Variants in TOGARAM2 observed in about 807,000 individuals in gnomAD.
The protein encoded by TOGARAM2 is TOG array regulator of axonemal microtubules 2.
In TOGARAM2, 85 loss-of-function variants were observed where a neutral mutation model predicts 93.3. The observed-to-expected ratio is 0.91, with a 90% CI of 0.76 to 1.09. The LOEUF (loss-of-function observed/expected upper bound fraction) is 1.09. TOGARAM2 is among the 50% of genes least tolerant of loss of function. The pLI, the probability that TOGARAM2 is intolerant of heterozygous loss-of-function variation, is 0.00. For missense variants in TOGARAM2, 1,277 were observed against 1,334.5 expected (o/e 0.96, Z 0.67); for synonymous variants, 593 against 552.8 (o/e 1.07, Z -1.02).
intron 18 of TOGARAM2, among the ~76,000 whole-genome samples, chr2:29,039,640 G>T (rs944759257): frequency 6.6e-6 from 1 of 152,190 alleles, no homozygotes; most frequent in Non-Finnish European, 1.5e-5. Context: ...TTCATGGGAG[G>T]TAGTAAGGAA....
chr2:28,972,479 ACT>A lies in TOGARAM2; in HGVS notation c.-147+15785_-147+15786del, dbSNP rs746891186. 6 of 152,060 alleles carry A rather than the reference ACT, an allele frequency of 3.9e-5. No homozygotes were observed. In the East Asian group the frequency reaches 1.2e-3, roughly 29 times the overall value. 9.4% of individuals were successfully genotyped at this position (152,060 alleles called of 1,614,324 possible). ...GGAGGACGAGTTTTATGTGTAACTG[ACT>A]CTGTTATAATGGAGATAACTCATCA... is the stretch of plus-strand genomic sequence containing the variant. On this transcript the variant is annotated intron_variant, in intron 1 of 6. Transcript: ENST00000401723.
upstream of TOGARAM2, among the ~76,000 whole-genome samples, chr2:28,977,497 G>T (rs1272031084): frequency 6.6e-6 from 1 of 152,150 alleles, no homozygotes; most frequent in Non-Finnish European, 1.5e-5. Flanking sequence ...CAATGTATGG[G>T]GCTGAGACTC....
chr2:28,975,816 C>CACTG (rs1672018878), intron 1 of TOGARAM2, among the ~76,000 whole-genome samples: 1 of 152,116 alleles, frequency 6.6e-6, no homozygotes, highest in Non-Finnish European at 1.5e-5. Flanking sequence ...TTCGCTTCAC[C>CACTG]ACTGGGCCTT....
chr2:29,040,765 C>T (rs997788112), intron 18 of TOGARAM2, among the ~76,000 whole-genome samples: 1 of 152,140 alleles, frequency 6.6e-6, no homozygotes, highest in African/African-American at 2.4e-5. Context: ...CCCAGCCCTC[C>T]GCCACTGCGC....
intron 18 of TOGARAM2, among the ~76,000 whole-genome samples, chr2:29,039,627 C>T (rs1197136870): frequency 5.9e-5 from 9 of 152,152 alleles, no homozygotes; most frequent in African/African-American, 2.2e-4. Flanking sequence ...TGCCCATGTC[C>T]TTTTCATGGG....
In TOGARAM2 at chr2:28,989,378, A is replaced by G. The variant is rs191733046; in HGVS notation, c.-110-5347A>G. Reference sequence around the variant, plus strand: ...CTTTTCATATTTTATTGAATGCAATATTGAAGTGAGATAAGCATTATCTCC... The same window carrying G: ...CTTTTCATATTTTATTGAATGCAATGTTGAAGTGAGATAAGCATTATCTCC... On this transcript the variant is annotated intron_variant, in intron 1 of 19. Coordinates refer to ENST00000379558, the MANE Select transcript of TOGARAM2 (RefSeq NM_199280.4). 2.6e-4 allele frequency among the ~76,000 whole-genome samples: 38 copies of G among 146,592 alleles called. No individual in the cohort carries two copies. The East Asian group carries it at 6.9e-3, about 27-fold the overall frequency.
chr2:28,967,540 T>C (rs765411639), intron 1 of TOGARAM2, among the ~76,000 whole-genome samples: 1 of 152,036 alleles, frequency 6.6e-6, no homozygotes, highest in Non-Finnish European at 1.5e-5. Flanking sequence ...ATGTAGAAAT[T>C]AAAGCTCTGG....
chr2:28,989,927 T>C (rs1672640897), intron 1 of TOGARAM2, among the ~76,000 whole-genome samples: 2 of 152,246 alleles, frequency 1.3e-5, no homozygotes, highest in Admixed American at 6.5e-5. Context: ...TCTTAGTACC[T>C]ATGGCATGTT....
At chr2:28,963,414 A>G (rs1671824019) in intron 1 of TOGARAM2, among the ~76,000 whole-genome samples, 1 of 152,072 alleles carries the variant, frequency 6.6e-6, no homozygotes, top group South Asian at 2.1e-4. Context: ...TGCTCTGTCA[A>G]CCCAGGCTAG....
intron 19 of TOGARAM2, chr2:29,049,868 C>G (rs1666967724): frequency 6.6e-6 from 1 of 152,176 alleles, no homozygotes; most frequent in South Asian, 2.1e-4. Context: ...AAGGGTGCAG[C>G]CTCAAAGCCA....
chr2:29,033,686 G>GCGA, intron 16 of TOGARAM2, 123 bp downstream of exon 16: 1 of 818,996 alleles, frequency 1.2e-6, no homozygotes, highest in Non-Finnish European at 1.9e-6. Context: ...CTGAGACCTA[G>GCGA]TTGGGGCTGC....
At chr2:29,012,520 G>A (rs750255900) in intron 7 of TOGARAM2, among the ~76,000 whole-genome samples, 2 of 152,178 alleles carry the variant, frequency 1.3e-5, no homozygotes, top group Admixed American at 6.5e-5. Context: ...GGACGCTGGT[G>A]TGGGGGTTGG....
rs1666120906 is a variant in TOGARAM2 at position 29,036,531 on chromosome 2, T to C, written c.2419-10T>C. The C allele has an allele frequency of 6.2e-7, 1 of 1,613,762 alleles. No individual in the cohort carries two copies. ...TTCCCATGGGCTCTTGGTTTCTGTT[T>C]CTTCAATAGGTCTTTGATGCTTTCA... On this transcript the variant is annotated splice_polypyrimidine_tract_variant and intron_variant, in intron 17 of 19. Coordinates refer to ENST00000379558, the MANE Select transcript of TOGARAM2 (RefSeq NM_199280.4).
chr2:29,002,634 C>T lies in TOGARAM2; in HGVS notation c.526C>T (p.Pro176Ser). The change falls in exon 5 of 20, where the codon CCT becomes TCT. Residue 176 changes from proline (P) to serine (S), a missense_variant. Transcript: ENST00000379558. Reference protein sequence around the residue: ...QRLLRVPRPMPLIQSIPTTPE... With the variant: ...QRLLRVPRPMSLIQSIPTTPE... ...GCTGCTGAGGGTGCCCAGGCCGATG[C>T]CTCTCATCCAGAGCATCCCTACCAC... is the stretch of plus-strand genomic sequence containing the variant. 1 of 1,613,984 alleles carries T rather than the reference C, an allele frequency of 6.2e-7. No individual in the cohort carries two copies. The highest frequency in any genetic ancestry group is 8.5e-7 in the Non-Finnish European group (1 of 1,179,870).
At chr2:29,005,739 ATATATGTGTGTATG>A (rs140301184) in intron 6 of TOGARAM2, among the ~76,000 whole-genome samples, 92,551 of 121,138 alleles carry the variant, frequency 0.76, 38,247 homozygotes, top group Non-Finnish European at 0.88. Flanking sequence ...GTGTGAGCAC[ATATATGTGTGTATG>A]TGTGTGTGTG....
At position 29,033,039 on chromosome 2, in the gene TOGARAM2, C is replaced by A. The variant is rs776559243; in HGVS notation, c.2118C>A (p.Ala706=). 1.2e-5 allele frequency: 19 copies of A among 1,613,138 alleles called. No homozygotes were observed. In the African/African-American group the frequency reaches 2.4e-4, roughly 20 times the overall value. The change falls in exon 15 of 20, where the codon GCC becomes GCA. Residue 706 remains alanine (A), a synonymous_variant. Transcript: ENST00000379558. ...ACGACTTGCAGAAGGTCATGGCGGC[C>A]ATTAAACAGCAGGTGAGCTGTGGGG... The part of the protein sequence containing the change: ...PSYDLQKVMA[A]IKQQGIEDND...
chr2:29,044,475 G>A (rs1445232623), intron 18 of TOGARAM2, among the ~76,000 whole-genome samples: 1 of 152,134 alleles, frequency 6.6e-6, no homozygotes, highest in African/African-American at 2.4e-5. Flanking sequence ...CTCTGGATAG[G>A]ATGACCAAGC....
At position 29,017,952 on chromosome 2, in the gene TOGARAM2, C is replaced by T; in HGVS notation, c.1356C>T (p.Ala452=). 6.2e-7 allele frequency: 1 copy of T among 1,601,128 alleles called. No homozygotes were observed. The highest frequency in any genetic ancestry group is 8.5e-7 in the Non-Finnish European group (1 of 1,172,922). ...SRQEPRFARH[A]SANSLPAVLT... is the part of the protein sequence containing the mutation. ...AGGAGCCCCGCTTTGCCCGCCACGCCTCAGGTGGGCAGGCCCGACTGGCAG... is the reference window on the plus strand; with the variant it reads ...AGGAGCCCCGCTTTGCCCGCCACGCTTCAGGTGGGCAGGCCCGACTGGCAG... Residue 452 remains alanine, a synonymous_variant, in exon 10 of 20, where the codon GCC becomes GCT. Coordinates refer to ENST00000379558, the MANE Select transcript of TOGARAM2 (RefSeq NM_199280.4).
intron 4 of TOGARAM2, among the ~76,000 whole-genome samples, chr2:29,000,938 T>G (rs1454168522): frequency 1.3e-5 from 2 of 152,242 alleles, no homozygotes; most frequent in East Asian, 3.8e-4. Context: ...AGCCCTTTTC[T>G]AGATATTTCA....
Sources: allele counts gnomAD v4.1 joint callset (sites outside exome capture counted in the v4.1 genomes callset), GRCh38; gene constraint gnomAD v4.1.1; transcripts MANE v1.5; gene names NCBI Gene and HGNC (gene_info 2026-07-23, HGNC 2026-07-21).